The following FNBP1 variants were observed in gnomAD, a reference collection of about 807,000 sequenced individuals.
The protein encoded by FNBP1 is formin-binding protein 1.
A neutral mutation model predicts 90.6 loss-of-function variants in FNBP1; 26 were observed. That is an observed-to-expected ratio of 0.29 (90% CI 0.21 to 0.40). FNBP1 has a LOEUF of 0.40. FNBP1 is among the 10% of genes least tolerant of loss of function. FNBP1 has a pLI of 1.00. For missense variants in FNBP1, 635 were observed against 768.0 expected (o/e 0.83, Z 2.05); for synonymous variants, 260 against 265.2 (o/e 0.98, Z 0.19).
rs151179376 is a variant in FNBP1 at position 129,944,882 on chromosome 9, T to C, written c.513+12478A>G. 2.1e-3 allele frequency among the ~76,000 whole-genome samples: 317 copies of C among 152,284 alleles called. 2 individuals carry two copies. Among genetic ancestry groups the C allele is most frequent in the African/African-American group, 7.3e-3 (302 of 41,566 alleles). ...TAGCCATGGGCTAGGCCATTTACTA[T>C]CATTGAAAATTAAAATACCTTATTA... On this transcript the variant is annotated intron_variant, in intron 6 of 16. Transcript: ENST00000446176.
chr9:129,942,837 TTTTC>T (rs1467741013), intron 6 of FNBP1, among the ~76,000 whole-genome samples: 22 of 148,906 alleles, frequency 1.5e-4, no homozygotes, highest in Admixed American at 1.4e-4. Flanking sequence ...CATTTGGCTT[TTTTC>T]TTTCTTTTTT....
chr9:130,024,231 G>C (rs2058124098), intron 1 of FNBP1, among the ~76,000 whole-genome samples: 1 of 151,530 alleles, frequency 6.6e-6, no homozygotes, highest in Non-Finnish European at 1.5e-5. Context: ...GCAACATAGT[G>C]AGATCCTATC....
At chr9:130,053,695 C>A in the FNBP1 span, 1 of 559,844 alleles carries the variant, frequency 1.8e-6, no homozygotes, top group Non-Finnish European at 3.2e-6. Context: ...TTATGGCAAC[C>A]GCCAATAGGT....
chr9:129,908,229 G>A (rs1354887942), intron 12 of FNBP1, among the ~76,000 whole-genome samples: 2 of 138,082 alleles, frequency 1.4e-5, no homozygotes, highest in East Asian at 4.4e-4. Flanking sequence ...TTTGAGATAG[G>A]GTCTCACTCT....
At chr9:129,950,053 A>G (rs1564410147) in intron 6 of FNBP1, among the ~76,000 whole-genome samples, 1 of 152,198 alleles carries the variant, frequency 6.6e-6, no homozygotes. Flanking sequence ...GGGGAGAAAC[A>G]TTTATGTTAG....
intron 10 of FNBP1, 100 bp from the exon 11 acceptor site, chr9:129,916,080 A>ATATTAAAATATG: frequency 1.2e-6 from 1 of 805,974 alleles, no homozygotes; most frequent in Non-Finnish European, 2.1e-6. Context: ...GAACTTGGTC[A>ATATTAAAATATG]GTTCCGCCAT....
chr9:129,974,349 T>C (rs1405072923), intron 4 of FNBP1, among the ~76,000 whole-genome samples: 1 of 151,818 alleles, frequency 6.6e-6, no homozygotes, highest in East Asian at 1.9e-4. Context: ...GGGTAAAATC[T>C]GGAGAACCAG....
chr9:129,978,044 G>T (rs1030944492), intron 4 of FNBP1, among the ~76,000 whole-genome samples: 1 of 150,606 alleles, frequency 6.6e-6, no homozygotes, highest in Non-Finnish European at 1.5e-5. Context: ...TTTTTGAGAC[G>T]GAGTCTTGCT....
At chr9:129,975,160 A>G (rs2050113381) in intron 4 of FNBP1, among the ~76,000 whole-genome samples, 1 of 152,246 alleles carries the variant, frequency 6.6e-6, no homozygotes, top group Non-Finnish European at 1.5e-5. Flanking sequence ...CGGAGGCTGC[A>G]GTAAGCCGAG....
Position 129,887,740 on chromosome 9 carries a change from C to T in FNBP1, c.*2799G>A, listed in dbSNP as rs1503371. On this transcript the variant is annotated 3_prime_UTR_variant, in exon 17 of 17. Transcript: ENST00000446176. ...GTAAAGGACAAGTTCCTCCCTTTCACTGCGTTTCTAAGAACTTTTCAGGGC... is the reference window on the plus strand; with the variant it reads ...GTAAAGGACAAGTTCCTCCCTTTCATTGCGTTTCTAAGAACTTTTCAGGGC... 223,877 of 224,738 alleles carry T rather than the reference C, an allele frequency of 1. 111,515 individuals carry two copies. The highest frequency in any genetic ancestry group is 1 in the East Asian group (15,440 of 15,440). 13.9% of individuals were successfully genotyped at this position (224,738 alleles called of 1,614,324 possible).
chr9:129,988,679 A>C (rs1207106479), intron 2 of FNBP1, among the ~76,000 whole-genome samples: 1 of 152,152 alleles, frequency 6.6e-6, no homozygotes, highest in Non-Finnish European at 1.5e-5. Flanking sequence ...TCCATCTCGA[A>C]GAGAAAAAAA....
At chr9:129,981,966 G>A (rs542959216) in intron 2 of FNBP1, among the ~76,000 whole-genome samples, 1 of 152,280 alleles carries the variant, frequency 6.6e-6, no homozygotes, top group Middle Eastern at 3.4e-3. Flanking sequence ...TATCAACTAT[G>A]ACATGCTTTC....
rs1264157080 is a variant in FNBP1 at position 129,925,149 on chromosome 9, C to T, written c.798G>A (p.Gln266=). 1 of 1,610,548 alleles carries T rather than the reference C, an allele frequency of 6.2e-7. No individual in the cohort carries two copies. The highest frequency in any genetic ancestry group is 1.7e-5 in the Admixed American group (1 of 59,228). ...CTGATTTATAAGCTTCTATTACCAG[C>T]TGTGAATCCTGAAATTATACCCACA... ...AESIDQKNDS[Q]LVIEAYKSGF... is the part of the protein sequence containing the mutation. Residue 266 remains glutamine, a synonymous_variant, in exon 9 of 17, where the codon CAG becomes CAA. Transcript: ENST00000446176.
intron 4 of FNBP1, among the ~76,000 whole-genome samples, chr9:129,974,016 G>T (rs572465091): frequency 1.3e-5 from 2 of 151,900 alleles, no homozygotes; most frequent in East Asian, 3.9e-4. Context: ...TAGAGAAGGG[G>T]TTTCATCACG....
At chr9:130,021,131 T>C (rs140403585) in intron 1 of FNBP1, among the ~76,000 whole-genome samples, 60 of 152,286 alleles carry the variant, frequency 3.9e-4, no homozygotes, top group Middle Eastern at 3.4e-3. Context: ...AACAGGTGAG[T>C]TGTAGGCAAT....
chr9:130,022,922 G>A (rs2057986634), intron 1 of FNBP1, among the ~76,000 whole-genome samples: 2 of 152,136 alleles, frequency 1.3e-5, no homozygotes, highest in South Asian at 4.1e-4. Flanking sequence ...TGAGGCAGGA[G>A]GACTGCTTGA....
intron 4 of FNBP1, among the ~76,000 whole-genome samples, chr9:129,960,555 C>G (rs1218130772): frequency 2.0e-5 from 3 of 152,088 alleles, no homozygotes; most frequent in African/African-American, 7.2e-5. Flanking sequence ...GGCCCTGAGG[C>G]AGGCTCTGGT....
At chr9:129,904,280 C>T (rs2037550561) in intron 12 of FNBP1, among the ~76,000 whole-genome samples, 1 of 152,190 alleles carries the variant, frequency 6.6e-6, no homozygotes, top group Non-Finnish European at 1.5e-5. Flanking sequence ...ACTGTGGATC[C>T]CACATCCTTC....
At chr9:130,037,859 G>GA (rs1178077300) in intron 1 of FNBP1, among the ~76,000 whole-genome samples, 3 of 151,608 alleles carry the variant, frequency 2.0e-5, no homozygotes, top group East Asian at 1.9e-4. Flanking sequence ...AAAACAAAAG[G>GA]AAAAAAAGGG....
Sources: allele counts gnomAD v4.1 joint callset (sites outside exome capture counted in the v4.1 genomes callset), GRCh38; gene constraint gnomAD v4.1.1; transcripts MANE v1.5; gene names NCBI Gene and HGNC (gene_info 2026-07-23, HGNC 2026-07-21).